The following UBE2L3 variants were observed in gnomAD, a reference collection of about 807,000 sequenced individuals.
UBE2L3 encodes the protein ubiquitin-conjugating enzyme E2 L3.
UBE2L3 carries 1 observed loss-of-function variant against 17.8 expected under a neutral mutation model. That is an observed-to-expected ratio of 0.06 (90% CI 0.02 to 0.27). The LOEUF (loss-of-function observed/expected upper bound fraction) is 0.27, where lower values mean the gene tolerates loss of function less well. Ranked by LOEUF, UBE2L3 falls within the 10% of genes least tolerant of loss-of-function variation. The pLI is 1.00. For synonymous variants in UBE2L3, 44 were observed against 68.5 expected (o/e 0.64, Z 1.76); for missense variants, 40 against 192.6 (o/e 0.21, Z 4.69).
At chr22:21,584,726 C>T (rs1201143714) in intron 1 of UBE2L3, among the ~76,000 whole-genome samples, 2 of 150,290 alleles carry the variant, frequency 1.3e-5, no homozygotes, top group East Asian at 2.1e-4. Flanking sequence ...TTTGGGAGGC[C>T]GAGGCGGGTG....
intron 1 of UBE2L3, among the ~76,000 whole-genome samples, chr22:21,558,331 T>A (rs1436980080): frequency 2.0e-5 from 3 of 152,240 alleles, no homozygotes; most frequent in African/African-American, 7.2e-5. Flanking sequence ...TTATTTTTAT[T>A]TATTAAAAAC....
At chr22:21,583,104 T>A (rs1228846215) in intron 1 of UBE2L3, among the ~76,000 whole-genome samples, 2 of 152,220 alleles carry the variant, frequency 1.3e-5, no homozygotes, top group Non-Finnish European at 1.5e-5. Flanking sequence ...TGGTAAACAC[T>A]GCAGCTAAAC....
intron 2 of UBE2L3, among the ~76,000 whole-genome samples, chr22:21,604,405 A>G (rs1929039158): frequency 1.3e-5 from 2 of 152,088 alleles, no homozygotes; most frequent in South Asian, 4.1e-4. Flanking sequence ...AGGCTGAGAG[A>G]CAGGACAATC....
chr22:21,572,422 C>CAAA (rs140497), intron 1 of UBE2L3, among the ~76,000 whole-genome samples: 1,233 of 104,508 alleles, frequency 0.012, 54 homozygotes, highest in South Asian at 0.099. Flanking sequence ...GACTCCGTCT[C>CAAA]AAAAAAAAAA....
At chr22:21,557,863 T>G (rs866591802) in intron 1 of UBE2L3, among the ~76,000 whole-genome samples, 202 of 152,288 alleles carry the variant, frequency 1.3e-3, no homozygotes, top group African/African-American at 4.1e-3. Flanking sequence ...TTCGAAGAAG[T>G]GTTTTGGTTT....
chr22:21,578,448 T>C (rs192278460), intron 1 of UBE2L3, among the ~76,000 whole-genome samples: 17 of 152,134 alleles, frequency 1.1e-4, no homozygotes, highest in African/African-American at 4.1e-4. Context: ...GCAGTTCCCG[T>C]CGTGCCCATT....
chr22:21,605,847 A>C (rs1929130012), intron 2 of UBE2L3, among the ~76,000 whole-genome samples: 1 of 151,882 alleles, frequency 6.6e-6, no homozygotes, highest in African/African-American at 2.4e-5. Context: ...TCTGTCACCC[A>C]GGCTAGAGTG....
At chr22:21,605,526 A>G (rs1294840724) in intron 2 of UBE2L3, among the ~76,000 whole-genome samples, 1 of 150,886 alleles carries the variant, frequency 6.6e-6, no homozygotes, top group Non-Finnish European at 1.5e-5. Context: ...TCTTTTTGAG[A>G]TGGATTTTCA....
At position 21,599,335 on chromosome 22, in the gene UBE2L3, T is replaced by C. The variant is rs778193945; in HGVS notation, c.123+6379T>C. ...CCCCTACTTCCGTCTCCTGTAGCTG[T>C]AATGGTTGAGACCAATGAGGGCAGC... is the stretch of plus-strand genomic sequence containing the variant. On this transcript the variant is annotated intron_variant, in intron 2 of 3. Coordinates refer to ENST00000342192, the MANE Select transcript of UBE2L3 (RefSeq NM_003347.4). Among the ~76,000 whole-genome samples, 117 of 152,152 alleles carry C rather than the reference T, an allele frequency of 7.7e-4. 1 individual carries two copies. Among genetic ancestry groups the C allele is most frequent in the Non-Finnish European group, 2.5e-4 (17 of 68,018 alleles).
At chr22:21,563,259 AAT>A (rs1364798482), upstream of UBE2L3, among the ~76,000 whole-genome samples, 4 of 138,338 alleles carry the variant, frequency 2.9e-5, no homozygotes, top group Non-Finnish European at 4.6e-5. Context: ...AAAAAAAAAA[AAT>A]TTATTACTGG....
At chr22:21,559,410 G>C (rs1926353348) in intron 1 of UBE2L3, among the ~76,000 whole-genome samples, 2 of 151,400 alleles carry the variant, frequency 1.3e-5, no homozygotes, top group African/African-American at 4.9e-5. Context: ...TTACATGAAT[G>C]GTTTTCAAAC....
chr22:21,623,973 A>T lies in UBE2L3; in HGVS notation c.*2304A>T, dbSNP rs1285066999. The T allele has an allele frequency of 2.0e-5, 3 of 152,294 alleles. No individual in the cohort carries two copies. The highest frequency in any genetic ancestry group is 3.8e-4 in the East Asian group (2 of 5,214). The allele number at this position is 152,294 out of a possible 1,614,324, so 9.4% of individuals were successfully genotyped here. A position where few individuals can be genotyped will look rare whatever the true frequency, so the allele number is the denominator to read the frequency against. Reference sequence around the variant, plus strand: ...CCTACTCCCCACCACGGCAGAGAATAGGCTTTCTAAGATGCTGCGATCCCG... The same window carrying T: ...CCTACTCCCCACCACGGCAGAGAATTGGCTTTCTAAGATGCTGCGATCCCG... On this transcript the variant is annotated 3_prime_UTR_variant, in exon 4 of 4. Coordinates refer to ENST00000342192, the MANE Select transcript of UBE2L3 (RefSeq NM_003347.4).
intron 2 of UBE2L3, among the ~76,000 whole-genome samples, chr22:21,593,301 A>G (rs1263675209): frequency 1.3e-5 from 2 of 152,140 alleles, no homozygotes; most frequent in African/African-American, 2.4e-5. Flanking sequence ...GGAGGGGACA[A>G]GCATTCCCCT....
At chr22:21,578,136 T>A (rs1927416482) in intron 1 of UBE2L3, among the ~76,000 whole-genome samples, 1 of 151,810 alleles carries the variant, frequency 6.6e-6, no homozygotes, top group Non-Finnish European at 1.5e-5. Context: ...GGTGGGAGGA[T>A]CATGAGGTCA....
At position 21,600,301 on chromosome 22, in the gene UBE2L3, A is replaced by G. The variant is rs1016967793; in HGVS notation, c.123+7345A>G. Among the ~76,000 whole-genome samples the G allele has an allele frequency of 5.3e-5, 8 of 152,314 alleles. No homozygotes were observed. The East Asian group carries it at 1.5e-3, about 29-fold the overall frequency. On this transcript the variant is annotated intron_variant, in intron 2 of 3. Coordinates refer to ENST00000342192, the MANE Select transcript of UBE2L3 (RefSeq NM_003347.4). ...GTGTTCCAGCCTGGGCAACAAGAGCAAAACTCCATCTAAAAAAACAAAACA... is the reference window on the plus strand; with the variant it reads ...GTGTTCCAGCCTGGGCAACAAGAGCGAAACTCCATCTAAAAAAACAAAACA...
intron 2 of UBE2L3, among the ~76,000 whole-genome samples, chr22:21,608,809 C>T (rs551661553): frequency 1.3e-5 from 2 of 148,188 alleles, no homozygotes; most frequent in South Asian, 2.1e-4. Context: ...CTTGAACTCC[C>T]GGCCTCAAGT....
intron 3 of UBE2L3, among the ~76,000 whole-genome samples, chr22:21,617,467 A>T (rs1416888995): frequency 6.6e-6 from 1 of 152,070 alleles, no homozygotes; most frequent in African/African-American, 2.4e-5. Flanking sequence ...AGGTTTCACC[A>T]TATTGCCCAG....
intron 3 of UBE2L3, 26 bp downstream of exon 3, chr22:21,611,069 C>T (rs752330175): frequency 2.7e-5 from 42 of 1,552,720 alleles, no homozygotes; most frequent in African/African-American, 2.6e-4. Flanking sequence ...GTGTCTTCCT[C>T]GGAGGGGGTC....
rs961195363 is a variant in UBE2L3, at chr22:21,568,210, T to C, written c.27+439T>C. 7 of 990,852 alleles carry C rather than the reference T, an allele frequency of 7.1e-6. No homozygotes were observed. In the African/African-American group the frequency reaches 1.2e-4, roughly 17 times the overall value. 61.4% of individuals were successfully genotyped at this position (990,852 alleles called of 1,614,324 possible). On this transcript the variant is annotated intron_variant, in intron 1 of 3. Coordinates refer to ENST00000342192, the MANE Select transcript of UBE2L3 (RefSeq NM_003347.4). ...CGCCCTGGGCCGCAGCGCGCCGGGC[T>C]TGCAGCTCCGCTTGGCCCGGCCGCA...
Sources: allele counts gnomAD v4.1 joint callset (sites outside exome capture counted in the v4.1 genomes callset), GRCh38; gene constraint gnomAD v4.1.1; transcripts MANE v1.5; gene names NCBI Gene and HGNC (gene_info 2026-07-23, HGNC 2026-07-21).